Variants in RTN4 observed in about 807,000 individuals in gnomAD.
RTN4 encodes the protein reticulon 4.
RTN4 carries 32 observed loss-of-function variants against 90.4 expected under a neutral mutation model. The ratio of observed to expected loss-of-function variants is 0.35; its 90% CI spans 0.27 to 0.48. The LOEUF is 0.48. Among genes scored for constraint, RTN4 ranks in the 20% least tolerant of loss-of-function variants. RTN4 has a pLI of 0.99. For missense variants in RTN4, 1,706 were observed against 1,430.2 expected, an observed-to-expected ratio of 1.19 and a Z score of -3.11; for synonymous variants, 629 against 552.5, an observed-to-expected ratio of 1.14 and a Z score of -1.94.
intron 3 of RTN4, among the ~76,000 whole-genome samples, chr2:55,003,674 C>T (rs1000804204): frequency 9.2e-5 from 14 of 152,150 alleles, no homozygotes; most frequent in African/African-American, 2.4e-4. Flanking sequence ...TCCACATCTG[C>T]GGATTCAACT....
the RTN4 span, among the ~76,000 whole-genome samples, chr2:55,129,865 C>T: frequency 2.6e-5 from 4 of 151,896 alleles, no homozygotes; most frequent in Non-Finnish European, 4.4e-5. Context: ...CCGGTCAACT[C>T]GTCTTTTAAA....
intron 3 of RTN4, among the ~76,000 whole-genome samples, chr2:55,001,506 T>C (rs1426412473): frequency 6.6e-6 from 1 of 152,152 alleles, no homozygotes; most frequent in Non-Finnish European, 1.5e-5. Context: ...CACTAAGTAA[T>C]CTTCAAAATT....
At chr2:55,093,264 C>A (rs1054228310) in intron 1 of RTN4, among the ~76,000 whole-genome samples, 2 of 151,928 alleles carry the variant, frequency 1.3e-5, no homozygotes, top group East Asian at 3.9e-4. Context: ...GGTTGAAATG[C>A]TAAAAAATAC....
At chr2:55,095,658 T>A (rs1208804113) in intron 1 of RTN4, among the ~76,000 whole-genome samples, 1 of 152,062 alleles carries the variant, frequency 6.6e-6, no homozygotes, top group East Asian at 1.9e-4. Context: ...TGCCCCTGAC[T>A]CCCCTAAATA....
At chr2:55,087,069 G>A (rs1210605736) in intron 1 of RTN4, among the ~76,000 whole-genome samples, 7 of 152,046 alleles carry the variant, frequency 4.6e-5, no homozygotes, top group African/African-American at 1.2e-4. Flanking sequence ...GTTCAGTTAC[G>A]TTACTGCTGT....
intron 2 of RTN4, among the ~76,000 whole-genome samples, chr2:55,065,787 A>T (rs1244174879): frequency 6.6e-6 from 1 of 152,112 alleles, no homozygotes; most frequent in Non-Finnish European, 1.5e-5. Context: ...ATCTATGGTG[A>T]TAAAAATTAG....
chr2:54,974,808 A>G (rs1677481300), intron 5 of RTN4, 44 bp from the exon 6 acceptor site: 1 of 1,532,950 alleles, frequency 6.5e-7, no homozygotes, highest in South Asian at 1.1e-5. Flanking sequence ...AAATTCAAGT[A>G]AAGTTTCTTA....
At chr2:55,016,003 A>C (rs1277989693) in intron 3 of RTN4, among the ~76,000 whole-genome samples, 1 of 152,154 alleles carries the variant, frequency 6.6e-6, no homozygotes. Context: ...TTTCAAATTG[A>C]TTTATGGAAA....
rs771688484 is a variant in RTN4, at chr2:54,982,589, G to A, written c.3286C>T (p.Leu1096Phe). 8 of 1,613,658 alleles carry A rather than the reference G, an allele frequency of 5.0e-6. No homozygotes were observed. The highest frequency in any genetic ancestry group is 1.1e-5 in the South Asian group (1 of 91,028). Reference sequence around the variant, plus strand: ...TTTATCGTGCAGTTCACATGACCAAGAGCAGAATTACTGTACTTCTGAACC... The same window carrying A: ...TTTATCGTGCAGTTCACATGACCAAAAGCAGAATTACTGTACTTCTGAACC... ...ELVQKYSNSA[L>F]GHVNCTIKEL... The change falls in exon 5 of 9, where the codon CTT (leucine) becomes TTT (phenylalanine). Residue 1096 changes from leucine to phenylalanine, a missense_variant. By Grantham distance (22) the Leu-to-Phe change is conservative. Coordinates refer to ENST00000337526, the MANE Select transcript of RTN4 (RefSeq NM_020532.5).
At chr2:55,032,666 A>G (rs1281772537) in intron 1 of RTN4, among the ~76,000 whole-genome samples, 3 of 152,204 alleles carry the variant, frequency 2.0e-5, no homozygotes, top group Non-Finnish European at 2.9e-5. Flanking sequence ...AAGTGAAAAA[A>G]GGAACAGAGC....
intron 1 of RTN4, among the ~76,000 whole-genome samples, chr2:55,098,824 T>C (rs942237927): frequency 2.0e-5 from 3 of 152,162 alleles, no homozygotes; most frequent in Non-Finnish European, 4.4e-5. Context: ...GAGTTTCTCA[T>C]AGTCTAGTTT....
intron 2 of RTN4, among the ~76,000 whole-genome samples, chr2:55,060,315 T>C (rs913753367): frequency 3.9e-5 from 6 of 152,220 alleles, no homozygotes; most frequent in Admixed American, 2.6e-4. Context: ...TTTCTATCTT[T>C]TATTTGTTTC....
chr2:55,018,153 G>A (rs1681179077), intron 3 of RTN4, among the ~76,000 whole-genome samples: 1 of 152,138 alleles, frequency 6.6e-6, no homozygotes, highest in Non-Finnish European at 1.5e-5. Context: ...TCTATAAAAT[G>A]GTTCCTTCTT....
intron 3 of RTN4, among the ~76,000 whole-genome samples, chr2:54,993,631 A>G (rs924438657): frequency 2.0e-5 from 3 of 152,216 alleles, no homozygotes; most frequent in Non-Finnish European, 4.4e-5. Context: ...AAGCCCACAC[A>G]TACTGAATAA....
Position 55,049,870 on chromosome 2 carries a change from G to A in RTN4, c.431C>T (p.Pro144Leu). The A allele has an allele frequency of 5.3e-6, 7 of 1,318,578 alleles. No homozygotes were observed. Among genetic ancestry groups the A allele is most frequent in the Non-Finnish European group, 6.7e-6 (7 of 1,037,768 alleles). 81.7% of individuals were successfully genotyped at this position (1,318,578 alleles called of 1,614,324 possible). A position where few individuals can be genotyped will look rare whatever the true frequency, so the allele number is the denominator to read the frequency against. The change falls in exon 1 of 9, where the codon CCC (proline) becomes CTC (leucine). Residue 144 changes from proline to leucine, a missense_variant. Coordinates refer to ENST00000337526, the MANE Select transcript of RTN4 (RefSeq NM_020532.5). ...GCTCACGCTGGCCGGGGGAGGAGGG[G>A]GAGGCCGGGCCGGAGGCTCGTCGTC... ...PEDDEPPARP[P>L]PPPPASVSPQ...
chr2:55,099,716 T>C (rs1367127648), intron 1 of RTN4, among the ~76,000 whole-genome samples: 1 of 152,114 alleles, frequency 6.6e-6, no homozygotes, highest in Non-Finnish European at 1.5e-5. Flanking sequence ...CCACATATTA[T>C]GTATGTGACA....
At chr2:55,108,819 A>G (rs553329334) in intron 1 of RTN4, among the ~76,000 whole-genome samples, 58 of 152,240 alleles carry the variant, frequency 3.8e-4, no homozygotes, top group Non-Finnish European at 7.1e-4. Context: ...GCCAATTTCT[A>G]TGACTAAAAT....
At chr2:55,061,342 A>C (rs1054398608) in intron 2 of RTN4, among the ~76,000 whole-genome samples, 8 of 152,110 alleles carry the variant, frequency 5.3e-5, no homozygotes, top group Admixed American at 5.2e-4. Context: ...GGGATTACAG[A>C]CGTGAGCCAC....
chr2:55,136,796 A>T, the RTN4 span, among the ~76,000 whole-genome samples: 7 of 152,252 alleles, frequency 4.6e-5, no homozygotes, highest in African/African-American at 1.7e-4. Flanking sequence ...TGGACAGTGC[A>T]CATCTAGATT....
Sources: gnomAD v4.1 joint callset for allele counts (sites outside exome capture counted in the v4.1 genomes callset) on GRCh38, gnomAD v4.1.1 for gene constraint, MANE v1.5 for transcripts, NCBI Gene and HGNC (gene_info 2026-07-23, HGNC 2026-07-21) for gene names.